The following CNTF variants were observed in gnomAD, a reference collection of about 807,000 sequenced individuals.
The protein encoded by CNTF is ciliary neurotrophic factor.
In CNTF, 14 loss-of-function variants were observed where a neutral mutation model predicts 13.0. That is an observed-to-expected ratio of 1.07 (90% CI 0.71 to 1.68). The LOEUF is 1.68. CNTF is among the 40% of genes most tolerant of loss of function. The pLI is 0.00. For missense variants in CNTF, 283 were observed against 252.5 expected, an observed-to-expected ratio of 1.12 and a Z score of -0.82; for synonymous variants, 98 against 92.4, an observed-to-expected ratio of 1.06 and a Z score of -0.35.
rs141610986 is a variant in CNTF at position 58,624,138 on chromosome 11, C to G, written c.219C>G (p.Leu73=). ...QWSELTEAER[L]QENLQAYRTF... is the part of the protein sequence containing the mutation. ...GTGAGCTGACCGAGGCAGAGCGACT[C>G]CAAGAGAACCTTCAAGCTTATCGTA... The change falls in exon 2 of 2, where the codon CTC becomes CTG. Residue 73 remains leucine (L), a synonymous_variant. Transcript: ENST00000361987. 6.2e-7 allele frequency: 1 copy of G among 1,613,694 alleles called. No individual in the cohort carries two copies. The highest frequency in any genetic ancestry group is 1.1e-5 in the South Asian group (1 of 91,062).
chr11:58,623,045 T>C (rs1189019488), intron 1 of CNTF, among the ~76,000 whole-genome samples, 179 bp downstream of exon 1: 1 of 152,204 alleles, frequency 6.6e-6, no homozygotes, highest in Non-Finnish European at 1.5e-5. Flanking sequence ...TTTCTTCCTC[T>C]GGGCTGTTTA....
chr11:58,623,698 A>G (rs138643777), intron 1 of CNTF, among the ~76,000 whole-genome samples: 2 of 152,368 alleles, frequency 1.3e-5, no homozygotes, highest in African/African-American at 4.8e-5. Context: ...TATGTTTAAA[A>G]ATACTTTAAT....
In CNTF at chr11:58,622,701, T is replaced by C. The variant is rs760889934; in HGVS notation, c.-52T>C. 2.3e-6 allele frequency: 3 copies of C among 1,306,112 alleles called. No individual in the cohort carries two copies. The highest frequency in any genetic ancestry group is 2.3e-5 in the East Asian group (1 of 43,194). 80.9% of individuals were successfully genotyped at this position (1,306,112 alleles called of 1,614,324 possible). A position where few individuals can be genotyped will look rare whatever the true frequency, so the allele number is the denominator to read the frequency against. ...GTCACATCTCTTATTTGGACCAGTA[T>C]AGACAGAAGTAAACCCAGCTGACTT... On this transcript the variant is annotated 5_prime_UTR_variant, in exon 1 of 2. Coordinates refer to ENST00000361987, the MANE Select transcript of CNTF (RefSeq NM_000614.4).
chr11:58,622,780 A>AC lies in CNTF; in HGVS notation c.32dup (p.His12SerfsTer7). 2 of 1,613,876 alleles carry AC rather than the reference A, an allele frequency of 1.2e-6. No individual in the cohort carries two copies. The highest frequency in any genetic ancestry group is 2.2e-5 in the South Asian group (2 of 91,054). ...GGCTTTCACAGAGCATTCACCGCTG[A>AC]CCCCTCACCGTCGGGACCTCTGTAG... On this transcript the variant is annotated frameshift_variant, in exon 1 of 2. Coordinates refer to ENST00000361987, the MANE Select transcript of CNTF (RefSeq NM_000614.4). LOFTEE classifies it high-confidence loss of function.
rs1452253159 is a variant in CNTF, at chr11:58,624,786, A to T, written c.*264A>T. ...CTTGCATGTGCTGCAGGTGTAAGAG[A>T]GTGGGAGCAGGGACAACGTCCTTCC... On this transcript the variant is annotated 3_prime_UTR_variant, in exon 2 of 2. Coordinates refer to ENST00000361987, the MANE Select transcript of CNTF (RefSeq NM_000614.4). The T allele has an allele frequency of 1.6e-5, 7 of 427,704 alleles. No homozygotes were observed. In the Admixed American group the frequency reaches 2.2e-4, roughly 13 times the overall value. The allele number at this position is 427,704 out of a possible 1,614,324, so 26.5% of individuals were successfully genotyped here.
At chr11:58,622,928 C>T in intron 1 of CNTF, 62 bp downstream of exon 1, 1 of 1,100,862 alleles carries the variant, frequency 9.1e-7, no homozygotes, top group Non-Finnish European at 1.4e-6. Context: ...AGCAACTTAC[C>T]ATCACGCATC....
At chr11:58,624,000 A>G (rs762887677) in intron 1 of CNTF, 34 bp from the exon 2 acceptor site, 2 of 1,605,974 alleles carry the variant, frequency 1.2e-6, no homozygotes, top group Admixed American at 1.7e-5. Context: ...GGGTGATGAC[A>G]GAAGATGTGG....
In CNTF at chr11:58,622,880, T is replaced by C; in HGVS notation, c.114+14T>C. The C allele has an allele frequency of 6.3e-7, 1 of 1,584,194 alleles. No homozygotes were observed. The highest frequency in any genetic ancestry group is 8.7e-7 in the Non-Finnish European group (1 of 1,154,028). ...ACGGAATCCTATGTAAGTTGCCTAT[T>C]TTGCTGTTATCTGTTTTCCCTTCAT... is the stretch of plus-strand genomic sequence containing the variant. On this transcript the variant is annotated intron_variant, in intron 1 of 1. Transcript: ENST00000361987.
In CNTF at chr11:58,624,679, C is replaced by A; in HGVS notation, c.*157C>A. ...CCACCTGCAGCCTGTTGAAGGACTA[C>A]AGGTATTTTCATCAAGTAGCGTTGG... On this transcript the variant is annotated 3_prime_UTR_variant, in exon 2 of 2. Coordinates refer to ENST00000361987, the MANE Select transcript of CNTF (RefSeq NM_000614.4). 2.6e-6 allele frequency: 2 copies of A among 783,948 alleles called. No individual in the cohort carries two copies. The highest frequency in any genetic ancestry group is 2.0e-6 in the Non-Finnish European group (1 of 494,792). The allele number at this position is 783,948 out of a possible 1,614,324, so 48.6% of individuals were successfully genotyped here.
At chr11:58,623,338 A>C (rs776255973) in intron 1 of CNTF, among the ~76,000 whole-genome samples, 1 of 152,242 alleles carries the variant, frequency 6.6e-6, no homozygotes, top group Non-Finnish European at 1.5e-5. Flanking sequence ...AGTATTCTGC[A>C]TCAAAAGTAG....
Position 58,624,049 on chromosome 11 carries a change from C to T in CNTF, c.130C>T (p.Leu44=), listed in dbSNP as rs1246039760. The T allele has an allele frequency of 9.9e-6, 16 of 1,612,296 alleles. No individual in the cohort carries two copies. In the South Asian group the frequency reaches 1.7e-4, roughly 17 times the overall value. The change falls in exon 2 of 2, where the codon CTG becomes TTG. Residue 44 remains leucine (L), a synonymous_variant. Transcript: ENST00000361987. ...LTESYVKHQG[L]NKNINLDSAD... ...CCTCGGCCAGGTGAAGCATCAGGGC[C>T]TGAACAAGAACATCAACCTGGACTC...
chr11:58,624,973 TAAG>T lies in CNTF; in HGVS notation c.*454_*456del, dbSNP rs1855910700. On this transcript the variant is annotated 3_prime_UTR_variant, in exon 2 of 2. Transcript: ENST00000361987. ...TTAGTTGATTTAAACTCTTAGAGAA[TAAG>T]AATAATAATGGCTAACTTTTATTAT... 1 of 173,938 alleles carries T rather than the reference TAAG, an allele frequency of 5.7e-6. No homozygotes were observed. Among genetic ancestry groups the T allele is most frequent in the African/African-American group, 2.4e-5 (1 of 41,614 alleles). The allele number at this position is 173,938 out of a possible 1,614,324, so 10.8% of individuals were successfully genotyped here. A position where few individuals can be genotyped will look rare whatever the true frequency, so the allele number is the denominator to read the frequency against.
Position 58,624,342 on chromosome 11 carries a change from G to C in CNTF, c.423G>C (p.Gly141=), listed in dbSNP as rs1161440852. The C allele has an allele frequency of 6.2e-7, 1 of 1,613,806 alleles. No homozygotes were observed. Among genetic ancestry groups the C allele is most frequent in the Non-Finnish European group, 8.5e-7 (1 of 1,179,990 alleles). Residue 141 remains glycine, a synonymous_variant, in exon 2 of 2, where the codon GGG becomes GGC. Coordinates refer to ENST00000361987, the MANE Select transcript of CNTF (RefSeq NM_000614.4). ...EYKIPRNEAD[G]MPINVGDGGL... is the part of the protein sequence containing the mutation. ...AGATCCCCCGCAATGAGGCTGATGG[G>C]ATGCCTATTAATGTTGGAGATGGTG...
rs1291070344 is a variant in CNTF at position 58,624,641 on chromosome 11, CT to C, written c.*125del. 11 of 1,259,682 alleles carry C rather than the reference CT, an allele frequency of 8.7e-6. No individual in the cohort carries two copies. Among genetic ancestry groups the C allele is most frequent in the Non-Finnish European group, 1.2e-5 (11 of 892,064 alleles). The allele number at this position is 1,259,682 out of a possible 1,614,324, so 78.0% of individuals were successfully genotyped here. A position where few individuals can be genotyped will look rare whatever the true frequency, so the allele number is the denominator to read the frequency against. On this transcript the variant is annotated 3_prime_UTR_variant, in exon 2 of 2. Transcript: ENST00000361987. ...AGTTAAGACAACAGGCATTTTCTTT[CT>C]TTTTTCTCTGACCACCTGCAGCCTG...
intron 1 of CNTF, 119 bp downstream of exon 1, chr11:58,622,985 T>C (rs1348654230): frequency 1.3e-5 from 10 of 770,736 alleles, no homozygotes; most frequent in Non-Finnish European, 2.3e-5. Flanking sequence ...GTCATTCATA[T>C]AGGTTATTTG....
Position 58,624,305 on chromosome 11 carries a change from T to G in CNTF, c.386T>G (p.Leu129Arg). 1 of 1,613,794 alleles carries G rather than the reference T, an allele frequency of 6.2e-7. No homozygotes were observed. Among genetic ancestry groups the G allele is most frequent in the African/African-American group, 1.3e-5 (1 of 74,904 alleles). The change falls in exon 2 of 2, where the codon CTC (leucine) becomes CGC (arginine). Residue 129 changes from leucine (L) to arginine (R), a missense_variant. Transcript: ENST00000361987. ...FAYQIEELMI[L>R]LEYKIPRNEA... The stretch of plus-strand genomic sequence containing the variant: ...TACCAGATAGAGGAGTTAATGATAC[T>G]CCTGGAATACAAGATCCCCCGCAAT...
rs138141847 is a variant in CNTF, at chr11:58,624,222, C to T, written c.303C>T (p.Thr101=). Residue 101 remains threonine, a synonymous_variant, in exon 2 of 2, where the codon ACC becomes ACT. Coordinates refer to ENST00000361987, the MANE Select transcript of CNTF (RefSeq NM_000614.4). ...ACCAGCAGGTGCATTTTACCCCAAC[C>T]GAAGGTGACTTCCATCAAGCTATAC... ...LEDQQVHFTP[T]EGDFHQAIHT... 83 of 1,613,836 alleles carry T rather than the reference C, an allele frequency of 5.1e-5. No homozygotes were observed. The highest frequency in any genetic ancestry group is 5.1e-4 in the East Asian group (23 of 44,884).
Position 58,624,617 on chromosome 11 carries a change from G to C in CNTF, c.*95G>C. On this transcript the variant is annotated 3_prime_UTR_variant, in exon 2 of 2. Transcript: ENST00000361987. ...TTCCCATCTTAAATTTCTAAAAACA[G>C]TTAAGACAACAGGCATTTTCTTTCT... is the stretch of plus-strand genomic sequence containing the variant. The C allele has an allele frequency of 4.8e-6, 7 of 1,467,752 alleles. No individual in the cohort carries two copies. Among genetic ancestry groups the C allele is most frequent in the Non-Finnish European group, 5.6e-6 (6 of 1,065,932 alleles). 90.9% of individuals were successfully genotyped at this position (1,467,752 alleles called of 1,614,324 possible).
intron 1 of CNTF, 50 bp from the exon 2 acceptor site, chr11:58,623,984 A>G (rs1212617297): frequency 9.4e-6 from 15 of 1,594,220 alleles, no homozygotes; most frequent in Non-Finnish European, 1.3e-5. Context: ...TGATTTAAGG[A>G]CACTGGGGTG....
Sources: gnomAD v4.1 joint callset for allele counts (sites outside exome capture counted in the v4.1 genomes callset) on GRCh38, gnomAD v4.1.1 for gene constraint, MANE v1.5 for transcripts, NCBI Gene and HGNC (gene_info 2026-07-23, HGNC 2026-07-21) for gene names.